Variants in ZBTB44 observed in about 807,000 individuals in gnomAD.
ZBTB44 encodes zinc finger and BTB domain-containing protein 44.
A neutral mutation model predicts 54.0 loss-of-function variants in ZBTB44; 15 were observed. The ratio of observed to expected loss-of-function variants is 0.28; its 90% confidence interval spans 0.19 to 0.43. The LOEUF is 0.43. Ranked by LOEUF, ZBTB44 falls within the 20% of genes least tolerant of loss-of-function variation. The pLI, the probability that ZBTB44 is intolerant of heterozygous loss-of-function variation, is 1.00. For synonymous variants in ZBTB44, 230 were observed against 250.1 expected, an observed-to-expected ratio of 0.92 and a Z score of 0.76; for missense variants, 487 against 707.1, an observed-to-expected ratio of 0.69 and a Z score of 3.53.
intron 1 of ZBTB44, among the ~76,000 whole-genome samples, chr11:130,311,029 GAA>G (rs1186213027): frequency 3.3e-5 from 5 of 152,130 alleles, no homozygotes; most frequent in African/African-American, 1.2e-4. Context: ...CATAACCAGA[GAA>G]AAGTATTTCA....
chr11:130,257,417 C>T (rs1445343299), intron 2 of ZBTB44, among the ~76,000 whole-genome samples: 1 of 151,906 alleles, frequency 6.6e-6, no homozygotes, highest in African/African-American at 2.4e-5. Flanking sequence ...GATTTGAAGC[C>T]AGTGGCAAAA....
In ZBTB44 at chr11:130,294,877, T is replaced by C. The variant is rs572670135; in HGVS notation, c.-57+19498A>G. On this transcript the variant is annotated intron_variant, in intron 1 of 7. Coordinates refer to ENST00000357899, the MANE Select transcript of ZBTB44 (RefSeq NM_001301098.2). Reference sequence around the variant, plus strand: ...TGGCTCCTTACATGAGCAAGTAAAATTCAAGTCAGTTTTAGTCAACTAGCA... The same window carrying C: ...TGGCTCCTTACATGAGCAAGTAAAACTCAAGTCAGTTTTAGTCAACTAGCA... 1.6e-3 allele frequency among the ~76,000 whole-genome samples: 238 copies of C among 152,314 alleles called. 5 individuals carry two copies. In the South Asian group the frequency reaches 0.034, roughly 22 times the overall value.
chr11:130,276,108 C>A (rs1940049444), intron 1 of ZBTB44, among the ~76,000 whole-genome samples: 1 of 151,406 alleles, frequency 6.6e-6, no homozygotes, highest in Admixed American at 6.6e-5. Context: ...TGCCTATAAT[C>A]CCAGTGACTG....
chr11:130,275,302 C>T (rs540430312), intron 1 of ZBTB44, among the ~76,000 whole-genome samples: 2 of 152,122 alleles, frequency 1.3e-5, no homozygotes, highest in East Asian at 3.9e-4. Context: ...TTTGTAATGT[C>T]GTATCTTCAT....
chr11:130,266,182 T>C (rs1939236517), intron 1 of ZBTB44, among the ~76,000 whole-genome samples: 1 of 152,238 alleles, frequency 6.6e-6, no homozygotes, highest in Non-Finnish European at 1.5e-5. Flanking sequence ...CCCTTAACGA[T>C]TAGGCTCAAT....
In ZBTB44 at chr11:130,267,960, CT is replaced by C. The variant is rs1939379368; in HGVS notation, c.-56-6032del. Among the ~76,000 whole-genome samples the C allele has an allele frequency of 4.6e-5, 7 of 151,804 alleles. No homozygotes were observed. In the South Asian group the frequency reaches 1.2e-3, roughly 27 times the overall value. ...TGGTGGCAGGCACCTGTAATCCCAGCTACTCGGGAGGCTGAGGCAGAACTGC... is the reference window on the plus strand; with the variant it reads ...TGGTGGCAGGCACCTGTAATCCCAGCACTCGGGAGGCTGAGGCAGAACTGC... On this transcript the variant is annotated intron_variant, in intron 1 of 7. Transcript: ENST00000357899.
chr11:130,285,652 C>A, intron 1 of ZBTB44: 1 of 267,306 alleles, frequency 3.7e-6, no homozygotes, highest in South Asian at 5.3e-5. Flanking sequence ...ACTTCACAGT[C>A]TAATTTTTTA....
At chr11:130,257,478 A>G (rs778998587) in intron 2 of ZBTB44, among the ~76,000 whole-genome samples, 1 of 152,128 alleles carries the variant, frequency 6.6e-6, no homozygotes, top group Non-Finnish European at 1.5e-5. Flanking sequence ...CTAAAGCACA[A>G]TATCATATAC....
intron 1 of ZBTB44, among the ~76,000 whole-genome samples, chr11:130,305,138 G>A (rs554190372): frequency 6.6e-6 from 1 of 151,732 alleles, no homozygotes; most frequent in Non-Finnish European, 1.5e-5. Flanking sequence ...CACATCCCAT[G>A]CTCATGGATG....
chr11:130,275,986 G>C (rs541672715), intron 1 of ZBTB44, among the ~76,000 whole-genome samples: 4 of 151,036 alleles, frequency 2.6e-5, no homozygotes, highest in Non-Finnish European at 5.9e-5. Flanking sequence ...CAGCACTTTG[G>C]GAGGCCAAAG....
chr11:130,308,489 T>C (rs1420664949), intron 1 of ZBTB44, among the ~76,000 whole-genome samples: 1 of 152,264 alleles, frequency 6.6e-6, no homozygotes, highest in Non-Finnish European at 1.5e-5. Flanking sequence ...TGCTTTTAGA[T>C]ACCAGTTTCC....
chr11:130,263,003 G>GT (rs1362638684), intron 1 of ZBTB44, among the ~76,000 whole-genome samples: 1 of 152,240 alleles, frequency 6.6e-6, no homozygotes, highest in Non-Finnish European at 1.5e-5. Context: ...GGAGGTTGCA[G>GT]TGAGCCGAGA....
chr11:130,244,433 C>T (rs925142553), intron 2 of ZBTB44, among the ~76,000 whole-genome samples: 14 of 151,964 alleles, frequency 9.2e-5, no homozygotes, highest in African/African-American at 2.7e-4. Context: ...TTTGGGAGGC[C>T]GACGTGGGTG....
chr11:130,260,850 T>C lies in ZBTB44; in HGVS notation c.1018+6A>G. The C allele has an allele frequency of 6.3e-7, 1 of 1,599,294 alleles. No homozygotes were observed. Among genetic ancestry groups the C allele is most frequent in the Non-Finnish European group, 8.5e-7 (1 of 1,174,598 alleles). On this transcript the variant is annotated splice_donor_region_variant and intron_variant, in intron 2 of 7. Transcript: ENST00000357899. ...AGCACCAAGAAAAACACAGAAGGCA[T>C]TATACCTATAGAGGAAGACTGTGGA...
Position 130,226,901 on chromosome 11 carries a change from A to T in ZBTB44, c.*4863T>A, listed in dbSNP as rs1451673975. 6.6e-6 allele frequency: 1 copy of T among 152,174 alleles called. No homozygotes were observed. Among genetic ancestry groups the T allele is most frequent in the African/African-American group, 2.4e-5 (1 of 41,440 alleles). 9.4% of individuals were successfully genotyped at this position (152,174 alleles called of 1,614,324 possible). A position where few individuals can be genotyped will look rare whatever the true frequency, so the allele number is the denominator to read the frequency against. On this transcript the variant is annotated 3_prime_UTR_variant, in exon 8 of 8. Transcript: ENST00000357899. ...AAGATTAAACAATCAGGCTAGCAAA[A>T]AGGTACTCAATACATATTTTCCTTA...
chr11:130,260,225 G>A (rs1938761946), intron 2 of ZBTB44, among the ~76,000 whole-genome samples: 2 of 152,126 alleles, frequency 1.3e-5, no homozygotes, highest in South Asian at 4.1e-4. Flanking sequence ...ATTTTGCACT[G>A]AATTCACTGT....
intron 1 of ZBTB44, among the ~76,000 whole-genome samples, chr11:130,271,701 T>C (rs1239123676): frequency 1.3e-5 from 2 of 152,200 alleles, no homozygotes; most frequent in African/African-American, 4.8e-5. Context: ...CCACTCCATA[T>C]TCCGCATTTT....
chr11:130,247,602 T>TC (rs1297057530), intron 2 of ZBTB44, among the ~76,000 whole-genome samples: 16 of 152,206 alleles, frequency 1.1e-4, no homozygotes, highest in Non-Finnish European at 1.9e-4. Context: ...AATGAGAGGA[T>TC]GAACATAGGT....
At chr11:130,260,750 CT>C in intron 2 of ZBTB44, 105 bp downstream of exon 2, 9 of 1,290,854 alleles carry the variant, frequency 7.0e-6, no homozygotes, top group Non-Finnish European at 9.3e-6. Flanking sequence ...TTTTACTCTT[CT>C]TTATATTTCC....
Sources: gnomAD v4.1 joint callset for allele counts (sites outside exome capture counted in the v4.1 genomes callset) on GRCh38, gnomAD v4.1.1 for gene constraint, MANE v1.5 for transcripts, NCBI Gene and HGNC (gene_info 2026-07-23, HGNC 2026-07-21) for gene names.